SBF2: variants seen among roughly 807,000 people sequenced by gnomAD.
SBF2 encodes the protein SET binding factor 2, also known as myotubularin-related protein 13.
In SBF2, 112 loss-of-function variants were observed where a neutral mutation model predicts 225.2. The observed-to-expected ratio is 0.50, with a 90% CI of 0.43 to 0.58. The LOEUF is 0.58. Among genes scored for constraint, SBF2 ranks in the 20% least tolerant of loss-of-function variants. The pLI, the probability that SBF2 is intolerant of heterozygous loss-of-function variation, is 0.00. For synonymous variants in SBF2, 763 were observed against 773.3 expected (o/e 0.99, Z 0.22); for missense variants, 1,996 against 2,206.2 (o/e 0.90, Z 1.91).
intron 1 of SBF2, among the ~76,000 whole-genome samples, chr11:10,218,904 T>C (rs1303610351): frequency 6.6e-6 from 1 of 152,206 alleles, no homozygotes; most frequent in Non-Finnish European, 1.5e-5. Flanking sequence ...TTGATTCCTG[T>C]GGCTTTGCAG....
At chr11:9,943,267 A>C (rs1865389427) in intron 16 of SBF2, among the ~76,000 whole-genome samples, 2 of 152,222 alleles carry the variant, frequency 1.3e-5, no homozygotes, top group Non-Finnish European at 2.9e-5. Context: ...GGAAAGGTAA[A>C]ATAACTAAAC....
In SBF2 at chr11:10,028,630, G is replaced by A. The variant is rs1183265642; in HGVS notation, c.514-73C>T. The A allele has an allele frequency of 4.0e-5, 39 of 977,870 alleles. No individual in the cohort carries two copies. In the South Asian group the frequency reaches 4.1e-4, roughly 10 times the overall value. The allele number at this position is 977,870 out of a possible 1,614,324, so 60.6% of individuals were successfully genotyped here. On this transcript the variant is annotated intron_variant, in intron 5 of 39. Transcript: ENST00000256190. ...TTTTTTAAAAAATAAAAATACCTTCGATGTTCATTTTTAGAGCAAACGACC... is the reference window on the plus strand; with the variant it reads ...TTTTTTAAAAAATAAAAATACCTTCAATGTTCATTTTTAGAGCAAACGACC...
intron 26 of SBF2, chr11:9,838,682 T>C (rs1164562824): frequency 5.3e-5 from 8 of 152,236 alleles, no homozygotes; most frequent in African/African-American, 1.7e-4. Context: ...GATAACTTTC[T>C]AAAATATGTA....
At chr11:10,085,411 T>A (rs1951526453) in intron 2 of SBF2, among the ~76,000 whole-genome samples, 1 of 152,190 alleles carries the variant, frequency 6.6e-6, no homozygotes, top group South Asian at 2.1e-4. Flanking sequence ...AATTTTCTCT[T>A]CAACTCTATC....
In SBF2 at chr11:10,002,699, T is replaced by A; in HGVS notation, c.620-10A>T. On this transcript the variant is annotated splice_polypyrimidine_tract_variant and intron_variant, in intron 6 of 39. Transcript: ENST00000256190. Reference sequence around the variant, plus strand: ...AGGACATTTTGAATTCCTGAAAACATAAGAGCAAGGACTTACAAATGCATT... The same window carrying A: ...AGGACATTTTGAATTCCTGAAAACAAAAGAGCAAGGACTTACAAATGCATT... 2 of 1,612,138 alleles carry A rather than the reference T, an allele frequency of 1.2e-6. No individual in the cohort carries two copies. The highest frequency in any genetic ancestry group is 1.7e-6 in the Non-Finnish European group (2 of 1,178,300).
intron 13 of SBF2, among the ~76,000 whole-genome samples, chr11:9,978,619 TTTTG>T (rs576497235): frequency 1.1e-4 from 17 of 152,240 alleles, no homozygotes; most frequent in Admixed American, 2.6e-4. Context: ...TTGTCCATGT[TTTTG>T]TTTGTTTGAT....
chr11:10,099,718 A>G (rs945537983), intron 2 of SBF2, among the ~76,000 whole-genome samples: 8 of 152,170 alleles, frequency 5.3e-5, no homozygotes, highest in African/African-American at 1.9e-4. Context: ...GGTGGGGGGA[A>G]TAAAAGTGCA....
At chr11:10,135,247 A>G (rs1268788850) in intron 2 of SBF2, among the ~76,000 whole-genome samples, 1 of 152,010 alleles carries the variant, frequency 6.6e-6, no homozygotes, top group Non-Finnish European at 1.5e-5. Context: ...TGCACACAGC[A>G]GTGGGACCCT....
chr11:9,820,619 T>G (rs1053524862), intron 28 of SBF2, among the ~76,000 whole-genome samples: 2 of 152,220 alleles, frequency 1.3e-5, no homozygotes, highest in Non-Finnish European at 2.9e-5. Flanking sequence ...CCCATTTCCT[T>G]ACCTGACACA....
intron 13 of SBF2, among the ~76,000 whole-genome samples, chr11:9,987,393 A>G (rs930339055): frequency 4.6e-5 from 7 of 152,198 alleles, no homozygotes; most frequent in Non-Finnish European, 1.0e-4. Context: ...CTCCTTTTCA[A>G]CATAGTACTG....
chr11:9,948,103 C>T (rs1040209570), intron 16 of SBF2, among the ~76,000 whole-genome samples: 3 of 151,670 alleles, frequency 2.0e-5, no homozygotes, highest in African/African-American at 4.8e-5. Flanking sequence ...ATTATTTAGC[C>T]TTAAAAAGGA....
At chr11:10,289,110 G>C (rs1195958779) in intron 1 of SBF2, among the ~76,000 whole-genome samples, 1 of 152,252 alleles carries the variant, frequency 6.6e-6, no homozygotes, top group Admixed American at 6.5e-5. Context: ...CAGTGTGTCA[G>C]CGCTGACCTA....
In SBF2 at chr11:10,223,399, T is replaced by TTATATATATATATA. The variant is rs3074175; in HGVS notation, c.56-29426_56-29413dup. Among the ~76,000 whole-genome samples the TTATATATATATATA allele has an allele frequency of 8.4e-4, 50 of 59,240 alleles. 2 individuals carry two copies. The highest frequency in any genetic ancestry group is 3.4e-3 in the East Asian group (6 of 1,742). The allele number at this position is 59,240 out of a possible 152,430, so 38.9% of individuals were successfully genotyped here. ...CAATAAACAACACATATTTTGCACA[T>TTATATATATATATA]TATATATATATATATATATATATAT... On this transcript the variant is annotated intron_variant, in intron 1 of 39. Transcript: ENST00000256190.
At chr11:10,015,921 G>A (rs1343375725) in intron 6 of SBF2, among the ~76,000 whole-genome samples, 3 of 151,678 alleles carry the variant, frequency 2.0e-5, no homozygotes, top group African/African-American at 4.8e-5. Context: ...CCTGCCTCAG[G>A]TGCCCCCCAT....
At chr11:9,828,624 A>G in intron 28 of SBF2, 1 of 985,436 alleles carries the variant, frequency 1.0e-6, no homozygotes, top group Non-Finnish European at 1.2e-6. Context: ...GGGTTCCATC[A>G]CATGATAACT....
At chr11:10,155,247 C>A (rs557955340) in intron 2 of SBF2, among the ~76,000 whole-genome samples, 119 of 152,004 alleles carry the variant, frequency 7.8e-4, no homozygotes, top group African/African-American at 2.8e-3. Flanking sequence ...ATTTAGTCCA[C>A]AATTTAAATC....
intron 1 of SBF2, among the ~76,000 whole-genome samples, chr11:10,260,742 G>T (rs891383118): frequency 6.6e-6 from 1 of 151,214 alleles, no homozygotes; most frequent in South Asian, 2.1e-4. Context: ...TTAGATGGGC[G>T]AGGTGGTGTG....
intron 1 of SBF2, among the ~76,000 whole-genome samples, chr11:10,254,887 T>G (rs1960718285): frequency 1.3e-5 from 1 of 75,622 alleles, no homozygotes; most frequent in African/African-American, 5.2e-5. Context: ...GGTGACAGAG[T>G]GAGACTCTGT....
intron 28 of SBF2, among the ~76,000 whole-genome samples, chr11:9,825,572 G>A (rs972749297): frequency 3.3e-5 from 5 of 152,174 alleles, no homozygotes; most frequent in African/African-American, 9.7e-5. Context: ...AAGTTCTGAC[G>A]AGGCAGGAAA....
Sources: gnomAD v4.1 joint callset for allele counts (sites outside exome capture counted in the v4.1 genomes callset) on GRCh38, gnomAD v4.1.1 for gene constraint, MANE v1.5 for transcripts, NCBI Gene and HGNC (gene_info 2026-07-23, HGNC 2026-07-21) for gene names.